Variants in HS3ST4 observed in about 807,000 individuals in gnomAD.
The protein encoded by HS3ST4 is heparan sulfate glucosamine 3-O-sulfotransferase 4.
In HS3ST4, 17 loss-of-function variants were observed where a neutral mutation model predicts 29.2. That is an observed-to-expected ratio of 0.58 (90% CI 0.40 to 0.87). The LOEUF is 0.87. HS3ST4 is among the 40% of genes least tolerant of loss of function. The probability of loss-of-function intolerance (pLI) is 0.00; values close to 1 mark genes in which losing one functional copy is unlikely to be tolerated. For missense variants in HS3ST4, 627 were observed against 634.5 expected (o/e 0.99, Z 0.13); for synonymous variants, 314 against 285.7 (o/e 1.10, Z -1.00).
At chr16:25,899,137 C>T (rs34460715) in intron 1 of HS3ST4, among the ~76,000 whole-genome samples, 25,490 of 152,186 alleles carry the variant, frequency 0.17, 2,314 homozygotes, top group African/African-American at 0.26. Flanking sequence ...ACTGAAAGAT[C>T]CTGTCCTTAA....
intron 1 of HS3ST4, among the ~76,000 whole-genome samples, chr16:26,014,959 C>G (rs1969349389): frequency 6.6e-6 from 1 of 152,186 alleles, no homozygotes; most frequent in Admixed American, 6.5e-5. Context: ...TGAACTAGAG[C>G]TAATTGAATA....
At chr16:25,882,755 C>T (rs988781005) in intron 1 of HS3ST4, among the ~76,000 whole-genome samples, 1 of 152,152 alleles carries the variant, frequency 6.6e-6, no homozygotes, top group Admixed American at 6.5e-5. Flanking sequence ...GGGGCACAGA[C>T]AGATTCCTCT....
intron 1 of HS3ST4, among the ~76,000 whole-genome samples, chr16:25,724,608 C>T (rs75085262): frequency 6.6e-6 from 1 of 152,074 alleles, no homozygotes; most frequent in Non-Finnish European, 1.5e-5. Flanking sequence ...GTGATCCCCC[C>T]ACCTCGGCCT....
chr16:25,765,987 A>G (rs1013390843), intron 1 of HS3ST4, among the ~76,000 whole-genome samples: 13 of 152,132 alleles, frequency 8.5e-5, no homozygotes, highest in Non-Finnish European at 1.6e-4. Flanking sequence ...CGGTCCCAGA[A>G]GAGCACAGTG....
chr16:25,754,911 A>T (rs1230926866), intron 1 of HS3ST4, among the ~76,000 whole-genome samples: 3 of 151,648 alleles, frequency 2.0e-5, no homozygotes, highest in African/African-American at 7.3e-5. Flanking sequence ...CTGCCCATCC[A>T]CCCATCCATC....
chr16:26,108,782 T>C (rs1899089249), intron 1 of HS3ST4, among the ~76,000 whole-genome samples: 3 of 152,232 alleles, frequency 2.0e-5, no homozygotes, highest in Admixed American at 2.0e-4. Context: ...TAGGAACTCC[T>C]TGATGACAGG....
intron 1 of HS3ST4, among the ~76,000 whole-genome samples, chr16:26,070,508 CATAAG>C (rs1477824065): frequency 6.6e-6 from 1 of 152,130 alleles, no homozygotes. Context: ...CCCACAGACT[CATAAG>C]ATAAATAAAT....
chr16:25,885,535 G>T (rs1200802406), intron 1 of HS3ST4, among the ~76,000 whole-genome samples: 20 of 152,014 alleles, frequency 1.3e-4, no homozygotes, highest in Admixed American at 1.3e-3. Flanking sequence ...AAAAGGAAGG[G>T]GTCTTAAGGT....
intron 1 of HS3ST4, among the ~76,000 whole-genome samples, chr16:25,924,814 A>G (rs1968386983): frequency 2.0e-5 from 3 of 152,066 alleles, no homozygotes; most frequent in Admixed American, 2.0e-4. Context: ...TGAGCAACTA[A>G]CCTCTATGGT....
At chr16:25,888,518 G>A (rs932116757) in intron 1 of HS3ST4, among the ~76,000 whole-genome samples, 1 of 152,192 alleles carries the variant, frequency 6.6e-6, no homozygotes, top group Non-Finnish European at 1.5e-5. Flanking sequence ...TTCCAAGACT[G>A]AGCAGCATTG....
intron 1 of HS3ST4, among the ~76,000 whole-genome samples, chr16:25,908,390 G>A (rs1968200450): frequency 1.3e-5 from 2 of 152,206 alleles, no homozygotes; most frequent in Non-Finnish European, 2.9e-5. Flanking sequence ...AAATGTAGCT[G>A]TAGGATTCAC....
At chr16:25,908,200 C>A (rs1968198084) in intron 1 of HS3ST4, among the ~76,000 whole-genome samples, 1 of 152,086 alleles carries the variant, frequency 6.6e-6, no homozygotes, top group South Asian at 2.1e-4. Flanking sequence ...ACGACATCTG[C>A]CACAGATGAG....
chr16:26,008,035 C>T (rs1051422501), intron 1 of HS3ST4, among the ~76,000 whole-genome samples: 1 of 152,106 alleles, frequency 6.6e-6, no homozygotes, highest in East Asian at 1.9e-4. Context: ...TCCAATTCCC[C>T]TTTAGCTCTT....
intron 1 of HS3ST4, among the ~76,000 whole-genome samples, chr16:26,054,644 C>T (rs1325748909): frequency 6.6e-6 from 1 of 152,148 alleles, no homozygotes; most frequent in East Asian, 1.9e-4. Context: ...TGGAGTGGGA[C>T]AGCACCAGGT....
chr16:25,767,348 G>C (rs1966826936), intron 1 of HS3ST4, among the ~76,000 whole-genome samples: 1 of 152,074 alleles, frequency 6.6e-6, no homozygotes, highest in Non-Finnish European at 1.5e-5. Context: ...CAAATACCCA[G>C]TGCAAACAGA....
At chr16:26,004,646 T>C (rs1969241115) in intron 1 of HS3ST4, among the ~76,000 whole-genome samples, 1 of 152,198 alleles carries the variant, frequency 6.6e-6, no homozygotes, top group Non-Finnish European at 1.5e-5. Context: ...TGGACTGGCT[T>C]ATGGAAGTAT....
intron 1 of HS3ST4, among the ~76,000 whole-genome samples, chr16:25,705,451 G>A (rs1378461845): frequency 3.3e-5 from 5 of 152,132 alleles, no homozygotes; most frequent in Non-Finnish European, 5.9e-5. Flanking sequence ...AGACCACAAG[G>A]TCAGGAGGTC....
chr16:25,881,690 A>T (rs1001392709), intron 1 of HS3ST4, among the ~76,000 whole-genome samples: 9 of 152,008 alleles, frequency 5.9e-5, no homozygotes, highest in Non-Finnish European at 1.0e-4. Context: ...ACCATCCTTC[A>T]CTGTGGTAGA....
Position 26,032,687 on chromosome 16 carries a change from T to A in HS3ST4, c.735-102925T>A, listed in dbSNP as rs968668089. On this transcript the variant is annotated intron_variant, in intron 1 of 1. Coordinates refer to ENST00000331351, the MANE Select transcript of HS3ST4 (RefSeq NM_006040.3). ...CTCTCCCTTCTTTGCAGGGGCCTTT[T>A]TAGTCTTGGGCTCTGGCTTTGGAGG... The A allele has an allele frequency of 4.8e-5, 64 of 1,323,234 alleles. No homozygotes were observed. The Admixed American group carries it at 1.0e-3, about 21-fold the overall frequency. 82.0% of individuals were successfully genotyped at this position (1,323,234 alleles called of 1,614,324 possible).
Sources: gnomAD v4.1 joint callset for allele counts (sites outside exome capture counted in the v4.1 genomes callset) on GRCh38, gnomAD v4.1.1 for gene constraint, MANE v1.5 for transcripts, NCBI Gene and HGNC (gene_info 2026-07-23, HGNC 2026-07-21) for gene names.